Variants in NAALADL2 observed in about 807,000 individuals in gnomAD.
NAALADL2 encodes inactive N-acetylated-alpha-linked acidic dipeptidase-like protein 2.
NAALADL2 carries 76 observed loss-of-function variants against 87.2 expected under a neutral mutation model. That is an observed-to-expected ratio of 0.87 (90% confidence interval 0.72 to 1.05). NAALADL2 has a LOEUF of 1.05. Ranked by LOEUF, NAALADL2 falls within the 50% of genes least tolerant of loss-of-function variation. The pLI is 0.00. For synonymous variants in NAALADL2, 354 were observed against 331.0 expected (o/e 1.07, Z -0.75); for missense variants, 1,089 against 945.8 (o/e 1.15, Z -1.99).
At chr3:174,680,808 C>T (rs1020188283) in intron 2 of NAALADL2, among the ~76,000 whole-genome samples, 3 of 152,126 alleles carry the variant, frequency 2.0e-5, no homozygotes, top group African/African-American at 7.2e-5. Context: ...ACTGATTGTC[C>T]TCCCCACAGG....
chr3:175,271,730 G>A (rs140108511), intron 4 of NAALADL2, among the ~76,000 whole-genome samples: 1 of 152,202 alleles, frequency 6.6e-6, no homozygotes, highest in African/African-American at 2.4e-5. Context: ...GGGAGGCAGA[G>A]GTTGCAGTGA....
In NAALADL2 at chr3:174,492,421, G is replaced by T. The variant is rs1578017847; in HGVS notation, c.-184+51389G>T. Among the ~76,000 whole-genome samples, 4 of 152,150 alleles carry T rather than the reference G, an allele frequency of 2.6e-5. No homozygotes were observed. In the South Asian group the frequency reaches 8.3e-4, roughly 32 times the overall value. ...TAAATCCTATAACCTGTTGTGATCGGTTTTTTCTAGCACTAAATTTTTGGA... is the reference window on the plus strand; with the variant it reads ...TAAATCCTATAACCTGTTGTGATCGTTTTTTTCTAGCACTAAATTTTTGGA... On this transcript the variant is annotated intron_variant, in intron 1 of 3. Transcript: ENST00000434257.
At chr3:174,636,343 C>A (rs1722645468) in intron 2 of NAALADL2, among the ~76,000 whole-genome samples, 1 of 152,036 alleles carries the variant, frequency 6.6e-6, no homozygotes, top group South Asian at 2.1e-4. Flanking sequence ...ACAAATGAGA[C>A]TATATTAAAC....
chr3:175,239,004 C>T (rs1219489304), intron 3 of NAALADL2, among the ~76,000 whole-genome samples: 7 of 152,098 alleles, frequency 4.6e-5, no homozygotes, highest in Non-Finnish European at 8.8e-5. Context: ...ATCATAGGAC[C>T]GTTTTGTGTA....
intron 9 of NAALADL2, among the ~76,000 whole-genome samples, chr3:175,517,566 A>C (rs949428038): frequency 6.6e-6 from 1 of 152,166 alleles, no homozygotes; most frequent in Non-Finnish European, 1.5e-5. Flanking sequence ...GATTACTACA[A>C]TTATTTAATT....
intron 10 of NAALADL2, among the ~76,000 whole-genome samples, chr3:175,585,990 T>A (rs6809893): frequency 0.92 from 139,588 of 152,020 alleles, 64,170 homozygotes; most frequent in Admixed American, 0.96. Flanking sequence ...ATGATTTTTT[T>A]AAAAATTTAA....
chr3:175,372,144 G>A (rs1358685472), intron 5 of NAALADL2, among the ~76,000 whole-genome samples: 3 of 152,034 alleles, frequency 2.0e-5, no homozygotes, highest in Non-Finnish European at 2.9e-5. Context: ...AGTGTAGCTG[G>A]CGTGTTGCCC....
At chr3:175,474,753 C>T (rs1033671622) in intron 9 of NAALADL2, among the ~76,000 whole-genome samples, 10 of 152,068 alleles carry the variant, frequency 6.6e-5, no homozygotes, top group African/African-American at 2.2e-4. Context: ...CTCTTCAGTG[C>T]CTTTCAGCAA....
intron 2 of NAALADL2, among the ~76,000 whole-genome samples, chr3:175,132,974 GGCCGGGCAGAGAC>G: frequency 2.6e-5 from 4 of 151,622 alleles, no homozygotes; most frequent in African/African-American, 4.8e-5. Context: ...CAGACGGGGC[GGCCGGGCAGAGAC>G]GCTCCTCACC....
intron 1 of NAALADL2, among the ~76,000 whole-genome samples, chr3:174,938,287 T>G (rs1738016179): frequency 6.6e-6 from 1 of 152,108 alleles, no homozygotes; most frequent in African/African-American, 2.4e-5. Context: ...CTTGGTTTTC[T>G]TTTTCTGCAT....
chr3:174,806,079 C>T (rs1017688828), intron 3 of NAALADL2, among the ~76,000 whole-genome samples: 1 of 152,170 alleles, frequency 6.6e-6, no homozygotes, highest in Admixed American at 6.6e-5. Context: ...TCACTTTCTT[C>T]TTGGATGATG....
intron 2 of NAALADL2, among the ~76,000 whole-genome samples, chr3:174,721,655 AATGTGTCTACCAG>A (rs1690804641): frequency 6.6e-6 from 1 of 152,230 alleles, no homozygotes; most frequent in African/African-American, 2.4e-5. Flanking sequence ...TAAGCTAATG[AATGTGTCTACCAG>A]AGTTCCATGG....
chr3:174,877,633 G>A (rs1251318583), intron 1 of NAALADL2, among the ~76,000 whole-genome samples: 9 of 151,964 alleles, frequency 5.9e-5, no homozygotes, highest in Non-Finnish European at 1.3e-4. Flanking sequence ...GCTTCCTTAG[G>A]TTTAAGAGTT....
chr3:174,694,702 T>C (rs1026552263), intron 2 of NAALADL2, among the ~76,000 whole-genome samples: 4 of 152,090 alleles, frequency 2.6e-5, no homozygotes, highest in Admixed American at 1.3e-4. Flanking sequence ...AGACTCTTTA[T>C]ACATGAGAAT....
At chr3:175,119,390 C>T (rs967116345) in intron 2 of NAALADL2, among the ~76,000 whole-genome samples, 1 of 151,310 alleles carries the variant, frequency 6.6e-6, no homozygotes, top group Non-Finnish European at 1.5e-5. Context: ...AAATAATATT[C>T]CAGGTATATG....
At chr3:175,045,069 A>T (rs927709311) in intron 1 of NAALADL2, among the ~76,000 whole-genome samples, 6 of 152,104 alleles carry the variant, frequency 3.9e-5, no homozygotes, top group African/African-American at 1.2e-4. Context: ...ACTGTTTTCT[A>T]ACATAAAATT....
chr3:175,245,058 T>G (rs1269215944), intron 3 of NAALADL2, among the ~76,000 whole-genome samples: 2 of 152,168 alleles, frequency 1.3e-5, no homozygotes, highest in African/African-American at 4.8e-5. Flanking sequence ...CCCTCTTTCT[T>G]GGACTTCCAT....
intron 1 of NAALADL2, among the ~76,000 whole-genome samples, chr3:175,070,724 G>A (rs1715477727): frequency 6.6e-6 from 1 of 151,834 alleles, no homozygotes; most frequent in African/African-American, 2.4e-5. Flanking sequence ...GAGAAAGCAT[G>A]GTGAATTACT....
intron 1 of NAALADL2, among the ~76,000 whole-genome samples, chr3:174,499,039 T>A (rs1318464641): frequency 9.2e-5 from 14 of 152,130 alleles, no homozygotes; most frequent in Admixed American, 7.9e-4. Flanking sequence ...TAATCTTTTT[T>A]ATGTTATAAT....
Sources: gnomAD v4.1 joint callset for allele counts (sites outside exome capture counted in the v4.1 genomes callset) on GRCh38, gnomAD v4.1.1 for gene constraint, MANE v1.5 for transcripts, NCBI Gene and HGNC (gene_info 2026-07-23, HGNC 2026-07-21) for gene names.